ANO10: variants seen among roughly 807,000 people sequenced by gnomAD.
ANO10 encodes the protein anoctamin-10.
In ANO10, 77 loss-of-function variants were observed where a neutral mutation model predicts 74.7. The ratio of observed to expected loss-of-function variants is 1.03; its 90% CI spans 0.86 to 1.25. The LOEUF (loss-of-function observed/expected upper bound fraction) is 1.25, where lower values mean the gene tolerates loss of function less well. Among genes scored for constraint, ANO10 ranks in the 50% most tolerant of loss-of-function variants. The probability of loss-of-function intolerance (pLI) is 0.00; values close to 1 mark genes in which losing one functional copy is unlikely to be tolerated. For synonymous variants in ANO10, 279 were observed against 284.9 expected (o/e 0.98, Z 0.21); for missense variants, 721 against 778.1 (o/e 0.93, Z 0.87).
intron 11 of ANO10, among the ~76,000 whole-genome samples, chr3:43,530,079 AG>A (rs2078390064): frequency 6.6e-6 from 1 of 152,170 alleles, no homozygotes; most frequent in African/African-American, 2.4e-5. Flanking sequence ...AGATATACTA[AG>A]GAAAAATAGA....
At chr3:43,464,636 C>T (rs1227191814) in intron 11 of ANO10, among the ~76,000 whole-genome samples, 1 of 151,910 alleles carries the variant, frequency 6.6e-6, no homozygotes, top group African/African-American at 2.4e-5. Context: ...CCATAACTGC[C>T]CCACTGCACT....
At chr3:43,631,247 T>C (rs1486303457) in intron 1 of ANO10, among the ~76,000 whole-genome samples, 2 of 152,224 alleles carry the variant, frequency 1.3e-5, no homozygotes, top group Middle Eastern at 3.2e-3. Context: ...GCCCTTTAAT[T>C]TGTAGTGTGC....
At chr3:43,550,062 A>G (rs1277809502) in intron 10 of ANO10, among the ~76,000 whole-genome samples, 1 of 152,212 alleles carries the variant, frequency 6.6e-6, no homozygotes, top group Non-Finnish European at 1.5e-5. Flanking sequence ...TTTGGCATGA[A>G]TATCCCAAAG....
intron 11 of ANO10, among the ~76,000 whole-genome samples, chr3:43,518,721 G>A (rs993741759): frequency 1.6e-4 from 24 of 152,238 alleles, no homozygotes; most frequent in Admixed American, 9.2e-4. Flanking sequence ...AATAAGCCCC[G>A]GTCTCCTGTA....
chr3:43,541,767 C>T (rs1229999487), intron 11 of ANO10, among the ~76,000 whole-genome samples: 2 of 152,180 alleles, frequency 1.3e-5, no homozygotes, highest in Non-Finnish European at 2.9e-5. Context: ...GCTGTCCTTG[C>T]TCATGCTCTC....
intron 1 of ANO10, among the ~76,000 whole-genome samples, chr3:43,620,088 T>C (rs1208961392): frequency 6.6e-6 from 1 of 152,126 alleles, no homozygotes; most frequent in African/African-American, 2.4e-5. Context: ...TTAGTACAGC[T>C]CTCATGCAAG....
At chr3:43,568,895 G>C (rs2080529783) in intron 7 of ANO10, among the ~76,000 whole-genome samples, 1 of 150,406 alleles carries the variant, frequency 6.6e-6, no homozygotes, top group South Asian at 2.1e-4. Context: ...ATGAATCCAG[G>C]AGCTGGTTTT....
chr3:43,607,754 A>G (rs1163959983), intron 1 of ANO10, among the ~76,000 whole-genome samples: 1 of 152,208 alleles, frequency 6.6e-6, no homozygotes, highest in Non-Finnish European at 1.5e-5. Context: ...TAAAATAATG[A>G]TCATATATTC....
rs2079740936 is a variant in ANO10 at position 43,556,208 on chromosome 3, A to T, written c.1477-739T>A. Among the ~76,000 whole-genome samples, 2 of 152,166 alleles carry T rather than the reference A, an allele frequency of 1.3e-5. 1 individual carries two copies. Among genetic ancestry groups the T allele is most frequent in the African/African-American group, 4.8e-5 (2 of 41,438 alleles). On this transcript the variant is annotated intron_variant, in intron 9 of 12. Coordinates refer to ENST00000292246, the MANE Select transcript of ANO10 (RefSeq NM_018075.5). Reference sequence around the variant, plus strand: ...ATCAAGAGTTGGGAAAAGAGTAAAAATCTTAGCAATCAAGCCATTTTTACC... The same window carrying T: ...ATCAAGAGTTGGGAAAAGAGTAAAATTCTTAGCAATCAAGCCATTTTTACC...
chr3:43,685,717 G>C (rs899050680), intron 1 of ANO10, among the ~76,000 whole-genome samples: 7 of 152,196 alleles, frequency 4.6e-5, no homozygotes, highest in African/African-American at 1.2e-4. Flanking sequence ...TTTTATTGAT[G>C]AGCGAATTGA....
At chr3:43,522,437 C>T (rs944528256) in intron 11 of ANO10, among the ~76,000 whole-genome samples, 14 of 152,160 alleles carry the variant, frequency 9.2e-5, no homozygotes, top group African/African-American at 3.1e-4. Context: ...TGACTTTCAT[C>T]ATGTCATTGC....
At chr3:43,392,061 A>G (rs1341766058) in intron 12 of ANO10, among the ~76,000 whole-genome samples, 1 of 152,164 alleles carries the variant, frequency 6.6e-6, no homozygotes, top group Non-Finnish European at 1.5e-5. Context: ...GTGGAGTAAT[A>G]AAGTATCACA....
At chr3:43,425,969 A>G (rs73831297) in intron 12 of ANO10, among the ~76,000 whole-genome samples, 3,431 of 152,230 alleles carry the variant, frequency 0.023, 132 homozygotes, top group African/African-American at 0.077. Flanking sequence ...CATCTACCCA[A>G]CAAGAACCTT....
chr3:43,534,278 G>A (rs2078600989), intron 11 of ANO10, among the ~76,000 whole-genome samples: 1 of 152,120 alleles, frequency 6.6e-6, no homozygotes, highest in Admixed American at 6.6e-5. Context: ...TGTCCACATG[G>A]GAGGTATATA....
intron 12 of ANO10, among the ~76,000 whole-genome samples, chr3:43,376,461 T>G (rs1223843902): frequency 6.6e-6 from 1 of 151,932 alleles, no homozygotes; most frequent in Non-Finnish European, 1.5e-5. Context: ...AGAATCAAAG[T>G]CCCTAACATC....
At chr3:43,512,962 C>A (rs2077565742) in intron 11 of ANO10, among the ~76,000 whole-genome samples, 1 of 152,182 alleles carries the variant, frequency 6.6e-6, no homozygotes, top group African/African-American at 2.4e-5. Flanking sequence ...ATGAGCACAG[C>A]AGACTTTCTG....
At chr3:43,485,404 G>A (rs933965785) in intron 11 of ANO10, among the ~76,000 whole-genome samples, 5 of 152,166 alleles carry the variant, frequency 3.3e-5, no homozygotes, top group South Asian at 2.1e-4. Flanking sequence ...CATTGTTCCT[G>A]CACGGGTTTG....
At chr3:43,678,568 C>A (rs575018720) in intron 1 of ANO10, among the ~76,000 whole-genome samples, 1 of 152,302 alleles carries the variant, frequency 6.6e-6, no homozygotes, top group East Asian at 1.9e-4. Context: ...AGTCACATAC[C>A]CCCTGCTTGC....
At chr3:43,596,259 C>A (rs868489201) in intron 4 of ANO10, among the ~76,000 whole-genome samples, 18 of 152,268 alleles carry the variant, frequency 1.2e-4, no homozygotes, top group East Asian at 1.9e-4. Context: ...TTGGAAAAAA[C>A]TACTTTAAAG....
Sources: allele counts gnomAD v4.1 joint callset (sites outside exome capture counted in the v4.1 genomes callset), GRCh38; gene constraint gnomAD v4.1.1; transcripts MANE v1.5; gene names NCBI Gene and HGNC (gene_info 2026-07-23, HGNC 2026-07-21).